IL1RL1: variants seen among roughly 807,000 people sequenced by gnomAD.
The protein encoded by IL1RL1 is interleukin 1 receptor like 1.
A neutral mutation model predicts 50.9 loss-of-function variants in IL1RL1; 32 were observed. That is an observed-to-expected ratio of 0.63 (90% CI 0.47 to 0.84). IL1RL1 has a LOEUF of 0.84. Ranked by LOEUF, IL1RL1 falls within the 40% of genes least tolerant of loss-of-function variation. The pLI, the probability that IL1RL1 is intolerant of heterozygous loss-of-function variation, is 0.00. For missense variants in IL1RL1, 773 were observed against 662.9 expected, an observed-to-expected ratio of 1.17 and a Z score of -1.82; for synonymous variants, 275 against 236.0, an observed-to-expected ratio of 1.17 and a Z score of -1.51.
chr2:102,338,374 T>C (rs1417678761), intron 2 of IL1RL1, 49 bp downstream of exon 2: 3 of 1,112,128 alleles, frequency 2.7e-6, no homozygotes, highest in Admixed American at 4.1e-5. Flanking sequence ...AATTAAATAA[T>C]TTCAAGAACA....
intron 6 of IL1RL1, among the ~76,000 whole-genome samples, chr2:102,342,681 T>C (rs1019596679): frequency 6.6e-6 from 1 of 152,144 alleles, no homozygotes; most frequent in Non-Finnish European, 1.5e-5. Context: ...TGTAGAAAGA[T>C]GTGGAAGAGG....
intron 1 of IL1RL1, among the ~76,000 whole-genome samples, chr2:102,313,829 G>C (rs114812835): frequency 7.2e-5 from 11 of 152,190 alleles, no homozygotes; most frequent in African/African-American, 2.6e-4. Context: ...GTGTGCACGA[G>C]TGTGTGTGTG....
At chr2:102,313,543 T>A (rs780605498) in intron 1 of IL1RL1, 1 of 152,248 alleles carries the variant, frequency 6.6e-6, no homozygotes, top group African/African-American at 2.4e-5. Context: ...TTCGGATACC[T>A]GTTTTTCCTC....
At chr2:102,343,826 T>C in intron 8 of IL1RL1, 1 of 1,024,196 alleles carries the variant, frequency 9.8e-7, no homozygotes, top group Non-Finnish European at 1.2e-6. Context: ...TATACCTTTT[T>C]CTGGTCATAA....
At chr2:102,345,306 A>T in intron 8 of IL1RL1, 2 of 985,378 alleles carry the variant, frequency 2.0e-6, no homozygotes, top group Non-Finnish European at 1.2e-6. Flanking sequence ...ACTCCTGAGC[A>T]CTTGCCAGTT....
chr2:102,338,153 G>T lies in IL1RL1; in HGVS notation c.-112G>T. The T allele has an allele frequency of 3.2e-6, 2 of 626,918 alleles. No individual in the cohort carries two copies. The highest frequency in any genetic ancestry group is 5.7e-6 in the Non-Finnish European group (2 of 348,294). 38.8% of individuals were successfully genotyped at this position (626,918 alleles called of 1,614,324 possible). A position where few individuals can be genotyped will look rare whatever the true frequency, so the allele number is the denominator to read the frequency against. ...CTACTCTTCCCAACTCAGTCTTGAAGAGTATCACCAACTGCCTCATGTGTG... is the reference window on the plus strand; with the variant it reads ...CTACTCTTCCCAACTCAGTCTTGAATAGTATCACCAACTGCCTCATGTGTG... On this transcript the variant is annotated 5_prime_UTR_variant, in exon 2 of 11. Transcript: ENST00000233954.
chr2:102,340,580 C>A (rs1054811857), intron 4 of IL1RL1, 86 bp from the exon 5 acceptor site: 5 of 1,404,812 alleles, frequency 3.6e-6, no homozygotes, highest in Non-Finnish European at 3.9e-6. Flanking sequence ...ACCACTCACT[C>A]CAGCCTAGGC....
At chr2:102,330,553 C>T (rs990952462) in intron 1 of IL1RL1, among the ~76,000 whole-genome samples, 1 of 152,144 alleles carries the variant, frequency 6.6e-6, no homozygotes, top group Non-Finnish European at 1.5e-5. Context: ...TAACTAGTAA[C>T]TTTGTGCACT....
chr2:102,347,156 T>C (rs1369191222), intron 8 of IL1RL1, among the ~76,000 whole-genome samples: 1 of 152,216 alleles, frequency 6.6e-6, no homozygotes, highest in Non-Finnish European at 1.5e-5. Flanking sequence ...AGGCAACAAG[T>C]GTCTCAGACC....
chr2:102,328,035 T>C (rs1456514135), intron 1 of IL1RL1, among the ~76,000 whole-genome samples: 1 of 152,152 alleles, frequency 6.6e-6, no homozygotes, highest in Non-Finnish European at 1.5e-5. Flanking sequence ...TACCAAAGCC[T>C]GGCAGAGACA....
At chr2:102,347,389 G>T (rs1032876179) in intron 8 of IL1RL1, among the ~76,000 whole-genome samples, 1 of 152,130 alleles carries the variant, frequency 6.6e-6, no homozygotes, top group East Asian at 1.9e-4. Flanking sequence ...TCAGAATAAG[G>T]CAATCTGCCT....
chr2:102,328,131 G>A (rs889202188), intron 1 of IL1RL1, among the ~76,000 whole-genome samples: 5 of 152,156 alleles, frequency 3.3e-5, no homozygotes, highest in Non-Finnish European at 7.4e-5. Flanking sequence ...ACCAAATCCA[G>A]CAGCACATCA....
rs62152661 is a variant in IL1RL1 at position 102,343,186 on chromosome 2, A to T, written c.824+9A>T. 5 of 1,613,952 alleles carry T rather than the reference A, an allele frequency of 3.1e-6. No individual in the cohort carries two copies. The African/African-American group carries it at 4.0e-5, about 13-fold the overall frequency. ...GAAGGGCAAAATCAAAGGTATTTTT[A>T]TATTGAAGAGAACCATCCTCTTCCC... On this transcript the variant is annotated intron_variant, in intron 7 of 10. Transcript: ENST00000233954.
rs1167092108 is a variant in IL1RL1, at chr2:102,349,172, T to G, written c.1211T>G (p.Ile404Ser). The change falls in exon 10 of 11, where the codon ATT (isoleucine) becomes AGT (serine). Residue 404 changes from isoleucine to serine, a missense_variant. Physicochemically the swap from Ile to Ser is moderately radical, Grantham distance 142 (BLOSUM62 -2). Coordinates refer to ENST00000233954, the MANE Select transcript of IL1RL1 (RefSeq NM_016232.5). Reference sequence around the variant, plus strand: ...CGTGTAGAGCACTTTGTTCACCAGATTCTGCCTGATGTTCTTGAAAATAAA... The same window carrying G: ...CGTGTAGAGCACTTTGTTCACCAGAGTCTGCCTGATGTTCTTGAAAATAAA... ...ASRVEHFVHQ[I>S]LPDVLENKCG... is the part of the protein sequence containing the mutation. The G allele has an allele frequency of 6.2e-7, 1 of 1,613,862 alleles. No individual in the cohort carries two copies. Among genetic ancestry groups the G allele is most frequent in the Admixed American group, 1.7e-5 (1 of 60,016 alleles).
intron 1 of IL1RL1, among the ~76,000 whole-genome samples, chr2:102,332,856 C>T (rs1677213505): frequency 6.6e-6 from 1 of 151,766 alleles, no homozygotes; most frequent in Non-Finnish European, 1.5e-5. Context: ...AAAAAAAGAA[C>T]AGAAAATTGA....
intron 8 of IL1RL1, among the ~76,000 whole-genome samples, chr2:102,346,794 C>CGAA (rs1677798053): frequency 6.6e-6 from 1 of 152,130 alleles, no homozygotes; most frequent in East Asian, 1.9e-4. Flanking sequence ...AACTGATAAA[C>CGAA]TATTAGAGGT....
At position 102,349,224 on chromosome 2, in the gene IL1RL1, G is replaced by A; in HGVS notation, c.1263G>A (p.Gly421=). 1.2e-6 allele frequency: 2 copies of A among 1,613,668 alleles called. No individual in the cohort carries two copies. The highest frequency in any genetic ancestry group is 1.7e-6 in the Non-Finnish European group (2 of 1,179,602). The change falls in exon 10 of 11, where the codon GGG becomes GGA. Residue 421 remains glycine (G), a synonymous_variant. Transcript: ENST00000233954. ...NKCGYTLCIY[G]RDMLPGEDVV... Reference sequence around the variant, plus strand: ...GTGGCTATACCTTATGCATTTATGGGAGAGATATGCTACCTGGAGAAGGTA... The same window carrying A: ...GTGGCTATACCTTATGCATTTATGGAAGAGATATGCTACCTGGAGAAGGTA...
At position 102,347,939 on chromosome 2, in the gene IL1RL1, G is replaced by T. The variant is rs1677828052; in HGVS notation, c.971-6G>T. 3.4e-6 allele frequency: 5 copies of T among 1,456,884 alleles called. No individual in the cohort carries two copies. The highest frequency in any genetic ancestry group is 1.2e-5 in the South Asian group (1 of 86,256). The allele number at this position is 1,456,884 out of a possible 1,614,324, so 90.2% of individuals were successfully genotyped here. ...TAATAATAATCTTTTTCTTTCTTTT[G>T]AATAGTTGATCATCATAGCATCTAC... On this transcript the variant is annotated splice_region_variant and splice_polypyrimidine_tract_variant and intron_variant, in intron 8 of 10. Transcript: ENST00000233954.
At chr2:102,313,854 T>C (rs1276061433) in intron 1 of IL1RL1, among the ~76,000 whole-genome samples, 1 of 152,200 alleles carries the variant, frequency 6.6e-6, no homozygotes, top group Non-Finnish European at 1.5e-5. Flanking sequence ...TGCACTTGCA[T>C]GCGCGTGCAT....
Sources: allele counts gnomAD v4.1 joint callset (sites outside exome capture counted in the v4.1 genomes callset), GRCh38; gene constraint gnomAD v4.1.1; transcripts MANE v1.5; gene names NCBI Gene and HGNC (gene_info 2026-07-23, HGNC 2026-07-21).